MAP9: variants seen among roughly 807,000 people sequenced by gnomAD.
MAP9 encodes the protein microtubule-associated protein 9.
A neutral mutation model predicts 75.2 loss-of-function variants in MAP9; 80 were observed. The ratio of observed to expected loss-of-function variants is 1.06; its 90% CI spans 0.89 to 1.28. The LOEUF (loss-of-function observed/expected upper bound fraction) is 1.28, where lower values mean the gene tolerates loss of function less well. Ranked by LOEUF, MAP9 falls within the 50% of genes most tolerant of loss-of-function variation. The pLI, the probability that MAP9 is intolerant of heterozygous loss-of-function variation, is 0.00. For synonymous variants in MAP9, 235 were observed against 237.3 expected, an observed-to-expected ratio of 0.99 and a Z score of 0.09; for missense variants, 753 against 719.9, an observed-to-expected ratio of 1.05 and a Z score of -0.53.
intron 5 of MAP9, among the ~76,000 whole-genome samples, chr4:155,364,529 A>G (rs61322212): frequency 0.24 from 27,989 of 118,470 alleles, 2,669 homozygotes; most frequent in African/African-American, 0.28. Context: ...CTACAAATAT[A>G]TATTATCTAT....
At chr4:155,355,692 C>T (rs750034179) in intron 9 of MAP9, 24 bp downstream of exon 9, 10 of 1,573,484 alleles carry the variant, frequency 6.4e-6, no homozygotes, top group Admixed American at 1.8e-5. Context: ...TTCTTCTTCT[C>T]TTAAAAATAT....
In MAP9 at chr4:155,362,077, G is replaced by A; in HGVS notation, c.773C>T (p.Pro258Leu). The change falls in exon 6 of 14, where the codon CCA becomes CTA. Residue 258 changes from proline (P) to leucine (L), a missense_variant. Coordinates refer to ENST00000311277, the MANE Select transcript of MAP9 (RefSeq NM_001039580.2). ...TCCAGATGCGTTTCCCTCAGATCCT[G>A]GTGAAAAAGAATCTCCAAGAATTTG... ...LKQILGDSFSPGSEGNASGKD... is the reference protein window; with the variant it reads ...LKQILGDSFSLGSEGNASGKD... 1 of 1,600,134 alleles carries A rather than the reference G, an allele frequency of 6.2e-7. No homozygotes were observed. The highest frequency in any genetic ancestry group is 8.5e-7 in the Non-Finnish European group (1 of 1,174,626).
chr4:155,369,580 TA>T (rs1475624405), intron 4 of MAP9, among the ~76,000 whole-genome samples: 1 of 152,184 alleles, frequency 6.6e-6, no homozygotes, highest in Non-Finnish European at 1.5e-5. Context: ...CTAAACCTCA[TA>T]ATCAACAAAG....
chr4:155,374,752 C>T (rs938743159), intron 3 of MAP9, among the ~76,000 whole-genome samples, 185 bp downstream of exon 3: 1 of 152,168 alleles, frequency 6.6e-6, no homozygotes, highest in African/African-American at 2.4e-5. Context: ...GAAAATCATA[C>T]AACTTCCTGA....
rs1193457487 is a variant in MAP9 at position 155,347,576 on chromosome 4, ATTAGGTCT to A, written c.*199_*206del. On this transcript the variant is annotated 3_prime_UTR_variant, in exon 14 of 14. Coordinates refer to ENST00000311277, the MANE Select transcript of MAP9 (RefSeq NM_001039580.2). ...TCTTAATGGTAAAAACAATCTGATT[ATTAGGTCT>A]TTGTTTGAGGCAGTTTATCTACAGT... 3 of 443,640 alleles carry A rather than the reference ATTAGGTCT, an allele frequency of 6.8e-6. No individual in the cohort carries two copies. The highest frequency in any genetic ancestry group is 1.2e-5 in the Non-Finnish European group (3 of 251,400). The allele number at this position is 443,640 out of a possible 1,614,324, so 27.5% of individuals were successfully genotyped here.
At chr4:155,369,318 A>C (rs1732482602) in intron 4 of MAP9, among the ~76,000 whole-genome samples, 2 of 135,070 alleles carry the variant, frequency 1.5e-5, no homozygotes, top group East Asian at 2.1e-4. Context: ...AATAAGAGCA[A>C]AAATCCATCT....
At chr4:155,372,920 C>A (rs903095297) in intron 4 of MAP9, 1 of 370,166 alleles carries the variant, frequency 2.7e-6, no homozygotes, top group Non-Finnish European at 4.8e-6. Flanking sequence ...AGCCTAGATG[C>A]AAGACAAAAT....
At chr4:155,374,890 G>A in intron 3 of MAP9, 47 bp downstream of exon 3, 1 of 1,310,072 alleles carries the variant, frequency 7.6e-7, no homozygotes, top group East Asian at 2.4e-5. Flanking sequence ...CAAAACTAAG[G>A]AAGCAAAAAG....
At chr4:155,351,056 G>A (rs1036497445) in intron 13 of MAP9, 2 of 151,800 alleles carry the variant, frequency 1.3e-5, no homozygotes, top group Non-Finnish European at 2.9e-5. Flanking sequence ...AACAAGACTG[G>A]TCAGAAAGAC....
In MAP9 at chr4:155,352,950, G is replaced by A. The variant is rs759882596; in HGVS notation, c.1650C>T (p.Ala550=). 3.8e-5 allele frequency: 58 copies of A among 1,531,146 alleles called. No homozygotes were observed. Among genetic ancestry groups the A allele is most frequent in the South Asian group, 5.0e-5 (4 of 79,994 alleles). 94.8% of individuals were successfully genotyped at this position (1,531,146 alleles called of 1,614,324 possible). A position where few individuals can be genotyped will look rare whatever the true frequency, so the allele number is the denominator to read the frequency against. ...CAGTTAAATTATCTTTCTTTTTCTC[G>A]GCAACAGTTTCCTCCTCTTTCTGTT... ...AKKQKEEETV[A]EKKKDNLTAV... Residue 550 remains alanine (A), a synonymous_variant, in exon 12 of 14, where the codon GCC becomes GCT. Transcript: ENST00000311277.
chr4:155,347,927 A>G (rs1165349261), intron 13 of MAP9, 22 bp from the exon 14 acceptor site: 1 of 1,364,504 alleles, frequency 7.3e-7, no homozygotes, highest in African/African-American at 1.5e-5. Flanking sequence ...ATAGAACACT[A>G]TAAATTTATG....
rs372376554 is a variant in MAP9 at position 155,368,643 on chromosome 4, C to A, written c.651G>T (p.Pro217=). ...LHSAPSSLPT[P]NGIQLEAEKK... ...TCTCAGCTTCTAATTGTATGCCATTCGGCGTTGGAAGGGAAGAAGGTGCAG... is the reference window on the plus strand; with the variant it reads ...TCTCAGCTTCTAATTGTATGCCATTAGGCGTTGGAAGGGAAGAAGGTGCAG... The change falls in exon 5 of 14, where the codon CCG becomes CCT. Residue 217 remains proline (P), a synonymous_variant. Coordinates refer to ENST00000311277, the MANE Select transcript of MAP9 (RefSeq NM_001039580.2). The A allele has an allele frequency of 5.6e-6, 9 of 1,614,144 alleles. No individual in the cohort carries two copies. The East Asian group carries it at 1.8e-4, about 32-fold the overall frequency.
rs1047492 is a variant in MAP9 at position 155,346,157 on chromosome 4, T to C, written c.*1626A>G. The C allele has an allele frequency of 0.67, 102,464 of 152,060 alleles. 36,520 individuals carry two copies. Among genetic ancestry groups the C allele is most frequent in the East Asian group, 0.91 (4,718 of 5,164 alleles). The allele number at this position is 152,060 out of a possible 1,614,324, so 9.4% of individuals were successfully genotyped here. ...ACATGCACTGCAGCAAGAAGGCTGATGCTCAGTATGTGGAACGTCTGGAGT... is the reference window on the plus strand; with the variant it reads ...ACATGCACTGCAGCAAGAAGGCTGACGCTCAGTATGTGGAACGTCTGGAGT... On this transcript the variant is annotated 3_prime_UTR_variant, in exon 14 of 14. Coordinates refer to ENST00000311277, the MANE Select transcript of MAP9 (RefSeq NM_001039580.2).
intron 4 of MAP9, among the ~76,000 whole-genome samples, chr4:155,370,587 G>A (rs540007779): frequency 7.2e-5 from 11 of 152,218 alleles, no homozygotes; most frequent in African/African-American, 2.6e-4. Context: ...ATGCTTGCAT[G>A]TCTTTTGAGC....
rs1731262306 is a variant in MAP9, at chr4:155,345,760, A to C, written c.*2023T>G. ...AGAAGAAAATAATGGAAAGTAAATA[A>C]ATAATGTGAAATCTATAAGATACAC... On this transcript the variant is annotated 3_prime_UTR_variant, in exon 14 of 14. Coordinates refer to ENST00000311277, the MANE Select transcript of MAP9 (RefSeq NM_001039580.2). 1 of 152,172 alleles carries C rather than the reference A, an allele frequency of 6.6e-6. No homozygotes were observed. The highest frequency in any genetic ancestry group is 1.5e-5 in the Non-Finnish European group (1 of 68,026). The allele number at this position is 152,172 out of a possible 1,614,324, so 9.4% of individuals were successfully genotyped here. A position where few individuals can be genotyped will look rare whatever the true frequency, so the allele number is the denominator to read the frequency against.
chr4:155,355,094 T>C lies in MAP9; in HGVS notation c.1357A>G (p.Asn453Asp), dbSNP rs1731708637. The C allele has an allele frequency of 3.5e-6, 5 of 1,416,366 alleles. No individual in the cohort carries two copies. Among genetic ancestry groups the C allele is most frequent in the African/African-American group, 1.5e-5 (1 of 66,086 alleles). The allele number at this position is 1,416,366 out of a possible 1,614,324, so 87.7% of individuals were successfully genotyped here. ...MHRIKRIESE[N>D]LRIQNEQKKA... ...ACCTGTTCATTTTGGATCCTTAAGTTTTCACTTTCAATTCTTTTTATTCTG... is the reference window on the plus strand; with the variant it reads ...ACCTGTTCATTTTGGATCCTTAAGTCTTCACTTTCAATTCTTTTTATTCTG... Residue 453 changes from asparagine (N) to aspartate (D), a missense_variant, in exon 10 of 14, where the codon AAC becomes GAC. Coordinates refer to ENST00000311277, the MANE Select transcript of MAP9 (RefSeq NM_001039580.2).
intron 5 of MAP9, among the ~76,000 whole-genome samples, chr4:155,366,704 A>G (rs1732348018): frequency 6.6e-6 from 1 of 152,216 alleles, no homozygotes; most frequent in Non-Finnish European, 1.5e-5. Context: ...TATAAACTCA[A>G]CATATCAGAT....
chr4:155,360,843 T>C (rs1732044576), intron 6 of MAP9: 2 of 163,246 alleles, frequency 1.2e-5, no homozygotes, highest in Admixed American at 5.7e-5. Context: ...AGTAGTACAA[T>C]TGTTGAATTG....
chr4:155,354,811 G>A (rs553751763), intron 10 of MAP9, among the ~76,000 whole-genome samples: 16 of 152,206 alleles, frequency 1.1e-4, no homozygotes, highest in African/African-American at 3.6e-4. Context: ...AGTGAATTAG[G>A]TGCTCATAAA....
Sources: allele counts gnomAD v4.1 joint callset (sites outside exome capture counted in the v4.1 genomes callset), GRCh38; gene constraint gnomAD v4.1.1; transcripts MANE v1.5; gene names NCBI Gene and HGNC (gene_info 2026-07-23, HGNC 2026-07-21).